CASK: variants seen among roughly 807,000 people sequenced by gnomAD.
The protein encoded by CASK is calcium/calmodulin dependent serine protein kinase, also known as peripheral plasma membrane protein CASK.
CASK carries 4 observed loss-of-function variants against 82.9 expected under a neutral mutation model. That is an observed-to-expected ratio of 0.05 (90% CI 0.02 to 0.11). The LOEUF (loss-of-function observed/expected upper bound fraction) is 0.11, where lower values mean the gene tolerates loss of function less well. Among genes scored for constraint, CASK ranks in the 10% least tolerant of loss-of-function variants. The pLI is 1.00. For missense variants in CASK, 358 were observed against 720.9 expected, an observed-to-expected ratio of 0.50 and a Z score of 5.76; for synonymous variants, 259 against 253.5, an observed-to-expected ratio of 1.02 and a Z score of -0.20.
At chrX:41,804,744 T>A (rs1276198120) in intron 2 of CASK, among the ~76,000 whole-genome samples, 1 of 111,979 alleles carries the variant, frequency 8.9e-6, no homozygotes, top group Admixed American at 9.5e-5. Context: ...AATGCTGATG[T>A]AATTTGCTGG....
At chrX:41,852,221 C>T (rs1327088463) in intron 2 of CASK, among the ~76,000 whole-genome samples, 1 of 111,299 alleles carries the variant, frequency 9.0e-6, no homozygotes, top group Admixed American at 9.5e-5. Context: ...CAGGAACAGA[C>T]AAACTTGAAG....
chrX:41,532,727 T>C (rs1423972424), intron 24 of CASK, among the ~76,000 whole-genome samples: 1 of 111,668 alleles, frequency 9.0e-6, no homozygotes, highest in Non-Finnish European at 1.9e-5. Flanking sequence ...TGTTAGAACA[T>C]AAAGTGCTCG....
chrX:41,523,359 A>T (rs2064665529), intron 26 of CASK, among the ~76,000 whole-genome samples: 1 of 112,588 alleles, frequency 8.9e-6, no homozygotes, highest in Admixed American at 9.4e-5. Context: ...GTGTTGACTG[A>T]ACAGAGTCAA....
At chrX:41,817,235 T>C (rs2070430095) in intron 2 of CASK, among the ~76,000 whole-genome samples, 1 of 112,106 alleles carries the variant, frequency 8.9e-6, no homozygotes, top group African/African-American at 3.2e-5. Flanking sequence ...CTCAAAAAGG[T>C]CATCCACAAA....
intron 18 of CASK, chrX:41,559,554 T>A (rs2065199121): frequency 1.9e-5 from 8 of 419,867 alleles, no homozygotes; most frequent in African/African-American, 4.9e-5. Flanking sequence ...TTTGCTCAGA[T>A]TTCAGCCTGC....
At chrX:41,774,839 A>C (rs1239336505) in intron 3 of CASK, among the ~76,000 whole-genome samples, 1 of 111,495 alleles carries the variant, frequency 9.0e-6, no homozygotes, top group Non-Finnish European at 1.9e-5. Flanking sequence ...CATATATAGA[A>C]AGCTGAAACT....
chrX:41,551,879 CAAAAA>C (rs1192377020), intron 21 of CASK, among the ~76,000 whole-genome samples: 61 of 23,335 alleles, frequency 2.6e-3, no homozygotes, highest in African/African-American at 9.8e-3. Flanking sequence ...GACTCCGTCT[CAAAAA>C]AAAAAAAAAA....
intron 2 of CASK, chrX:41,790,154 T>C (rs954565966): frequency 7.6e-5 from 63 of 832,598 alleles, no homozygotes; most frequent in Non-Finnish European, 9.0e-5. Flanking sequence ...CCATCACAAA[T>C]GAGGACTTTT....
intron 2 of CASK, among the ~76,000 whole-genome samples, chrX:41,793,665 A>G (rs985325131): frequency 3.6e-5 from 4 of 112,410 alleles, no homozygotes; most frequent in African/African-American, 1.3e-4. Flanking sequence ...GAATATTCTA[A>G]TCTAGTCATA....
chrX:41,760,360 C>T (rs1344330570), intron 3 of CASK, among the ~76,000 whole-genome samples: 1 of 111,781 alleles, frequency 8.9e-6, no homozygotes, highest in East Asian at 2.8e-4. Context: ...AGGTTAGTAA[C>T]TAATTAATAG....
intron 8 of CASK, among the ~76,000 whole-genome samples, chrX:41,656,313 G>A (rs2066939246): frequency 8.9e-6 from 1 of 112,319 alleles, no homozygotes; most frequent in Non-Finnish European, 1.9e-5. Flanking sequence ...GCTGGCAAGT[G>A]AGGCTGATGC....
At chrX:41,770,953 A>G (rs898150813) in intron 3 of CASK, among the ~76,000 whole-genome samples, 14 of 111,773 alleles carry the variant, frequency 1.3e-4, no homozygotes, top group Non-Finnish European at 3.8e-5. Context: ...AGCTGACGAA[A>G]GAGATAAAGG....
intron 3 of CASK, among the ~76,000 whole-genome samples, chrX:41,764,257 C>G (rs1483978384): frequency 3.6e-5 from 4 of 109,697 alleles, no homozygotes; most frequent in African/African-American, 1.3e-4. Flanking sequence ...GATTTTCTAT[C>G]TCTTCAGCTA....
chrX:41,612,643 G>A (rs1184144713), intron 11 of CASK, among the ~76,000 whole-genome samples: 10 of 92,666 alleles, frequency 1.1e-4, no homozygotes, highest in South Asian at 6.0e-4. Flanking sequence ...CGCCCCGTCC[G>A]GGAGGGAGGT....
At chrX:41,695,798 T>C (rs749439326) in intron 5 of CASK, 2 of 1,207,965 alleles carry the variant, frequency 1.7e-6, no homozygotes. Flanking sequence ...TGCTATCTAC[T>C]GTGTTAACCA....
intron 25 of CASK, 167 bp from the exon 26 acceptor site, chrX:41,524,201 A>G (rs1185463522): frequency 2.2e-6 from 1 of 445,341 alleles, no homozygotes; most frequent in African/African-American, 2.4e-5. Context: ...AACTTATATT[A>G]CTTTTTTTCT....
chrX:41,888,546 T>C (rs1480608739), intron 1 of CASK, among the ~76,000 whole-genome samples: 1 of 109,256 alleles, frequency 9.2e-6, no homozygotes, highest in Non-Finnish European at 1.9e-5. Flanking sequence ...TCACTTAGAA[T>C]AGCAGTCTCC....
At chrX:41,561,394 T>A (rs1030106263) in intron 17 of CASK, among the ~76,000 whole-genome samples, 165 bp downstream of exon 17, 1 of 111,890 alleles carries the variant, frequency 8.9e-6, no homozygotes, top group Non-Finnish European at 1.9e-5. Context: ...TATTTCAACA[T>A]TTTTCTAGTT....
In CASK at chrX:41,569,473, T is replaced by C. The variant is rs144649060; in HGVS notation, c.1582+195A>G. On this transcript the variant is annotated intron_variant, in intron 16 of 26. Transcript: ENST00000378163. Reference sequence around the variant, plus strand: ...TTTATATGTATCCTTTATACTTTCTTAGCTGGGTGTGATGGCATGCACCTG... The same window carrying C: ...TTTATATGTATCCTTTATACTTTCTCAGCTGGGTGTGATGGCATGCACCTG... Among the ~76,000 whole-genome samples, 729 of 111,549 alleles carry C rather than the reference T, an allele frequency of 6.5e-3. 6 individuals are homozygous for C. Among genetic ancestry groups the C allele is most frequent in the African/African-American group, 0.023 (704 of 30,713 alleles).
Sources: gnomAD v4.1 joint callset for allele counts (sites outside exome capture counted in the v4.1 genomes callset) on GRCh38, gnomAD v4.1.1 for gene constraint, MANE v1.5 for transcripts, NCBI Gene and HGNC (gene_info 2026-07-23, HGNC 2026-07-21) for gene names.